Variants in B4GAT1 observed in about 807,000 individuals in gnomAD.
B4GAT1 encodes the protein N-acetyllactosaminide beta-1,3-N-acetylglucosaminyltransferase.
B4GAT1 carries 18 observed loss-of-function variants against 35.0 expected under a neutral mutation model. The ratio of observed to expected loss-of-function variants is 0.51; its 90% CI spans 0.36 to 0.76. B4GAT1 has a LOEUF of 0.76. B4GAT1 is among the 30% of genes least tolerant of loss of function. B4GAT1 has a pLI of 0.01. For missense variants in B4GAT1, 458 were observed against 555.0 expected (o/e 0.83, Z 1.76); for synonymous variants, 217 against 251.6 (o/e 0.86, Z 1.30).
Position 66,347,333 on chromosome 11 carries a change from G to T in B4GAT1, c.213C>A (p.Gly71=), listed in dbSNP as rs770834329. 107 of 1,579,202 alleles carry T rather than the reference G, an allele frequency of 6.8e-5. 1 individual carries two copies. The East Asian group carries it at 2.4e-3, about 35-fold the overall frequency. Residue 71 remains glycine, a synonymous_variant, in exon 1 of 2, where the codon GGC becomes GGA. Transcript: ENST00000311181. The surrounding 1 kb of genome is among the most constrained non-coding windows in gnomAD (Gnocchi z 6.3). The stretch of plus-strand genomic sequence containing the variant: ...GGTAATCGCCGCTAGCGTCCAGGAC[G>T]CCTCCAGAGGCCAGCGCGGTGCGGA... ...AQLRTALASG[G]VLDASGDYRV...
In B4GAT1 at chr11:66,345,856, G is replaced by A. The variant is rs141108052; in HGVS notation, c.*193C>T. The A allele has an allele frequency of 1.4e-3, 785 of 557,628 alleles. 4 individuals carry two copies. The highest frequency in any genetic ancestry group is 0.014 in the African/African-American group (724 of 53,562). 34.5% of individuals were successfully genotyped at this position (557,628 alleles called of 1,614,324 possible). On this transcript the variant is annotated 3_prime_UTR_variant, in exon 2 of 2. Transcript: ENST00000311181. ...GGTAACCGAGGCTCAGAGAGGTAAC[G>A]GGATTTACTCAAGGCCACACAGCTA... is the stretch of plus-strand genomic sequence containing the variant.
chr11:66,346,631 G>T lies in B4GAT1; in HGVS notation c.915C>A (p.Val305=). The T allele has an allele frequency of 6.2e-7, 1 of 1,613,888 alleles. No individual in the cohort carries two copies. The highest frequency in any genetic ancestry group is 1.1e-5 in the South Asian group (1 of 91,090). Residue 305 remains valine (V), a synonymous_variant, in exon 1 of 2, where the codon GTC becomes GTA. Transcript: ENST00000311181. This position sits in a 1 kb window ranked among gnomAD's most constrained non-coding sequence, Gnocchi z 6.1. ...GCAGCAAGCTCTCTTCCGGCAGGTT[G>T]ACCCAGCGGGAATAGTTGGTGGGTG... is the stretch of plus-strand genomic sequence containing the variant. ...CQAPTNYSRW[V]NLPEESLLRP...
In B4GAT1 at chr11:66,345,975, C is replaced by A; in HGVS notation, c.*74G>T. Reference sequence around the variant, plus strand: ...ACCTCTGTAAAGTGGAGCGACATTTCTTACCCCAGTCAGGCCTAAATGGTG... The same window carrying A: ...ACCTCTGTAAAGTGGAGCGACATTTATTACCCCAGTCAGGCCTAAATGGTG... On this transcript the variant is annotated 3_prime_UTR_variant, in exon 2 of 2. Coordinates refer to ENST00000311181, the MANE Select transcript of B4GAT1 (RefSeq NM_006876.3). The A allele has an allele frequency of 6.8e-7, 1 of 1,477,418 alleles. No individual in the cohort carries two copies. 91.5% of individuals were successfully genotyped at this position (1,477,418 alleles called of 1,614,324 possible). A position where few individuals can be genotyped will look rare whatever the true frequency, so the allele number is the denominator to read the frequency against.
At position 66,346,294 on chromosome 11, in the gene B4GAT1, C is replaced by G; in HGVS notation, c.1057-54G>C. ...TTTGATGACATTGACAGGCCTGAGA[C>G]TGACTTCCCTAAAGCCACAGTCCAG... On this transcript the variant is annotated intron_variant, in intron 1 of 1. Coordinates refer to ENST00000311181, the MANE Select transcript of B4GAT1 (RefSeq NM_006876.3). The surrounding 1 kb of genome is among the most constrained non-coding windows in gnomAD (Gnocchi z 6.1). The G allele has an allele frequency of 6.3e-7, 1 of 1,591,414 alleles. No homozygotes were observed. The highest frequency in any genetic ancestry group is 8.6e-7 in the Non-Finnish European group (1 of 1,165,222).
rs1240939049 is a variant in B4GAT1, at chr11:66,345,694, A to G, written c.*355T>C. The G allele has an allele frequency of 4.9e-6, 1 of 202,486 alleles. No individual in the cohort carries two copies. The highest frequency in any genetic ancestry group is 9.9e-6 in the Non-Finnish European group (1 of 100,946). The allele number at this position is 202,486 out of a possible 1,614,324, so 12.5% of individuals were successfully genotyped here. ...GATTGTTAATAATAACAATAATAAT[A>G]ACAACAATAATACTGCGATAATATT... On this transcript the variant is annotated 3_prime_UTR_variant, in exon 2 of 2. Transcript: ENST00000311181.
rs1590633262 is a variant in B4GAT1 at position 66,346,062 on chromosome 11, G to A, written c.1235C>T (p.Pro412Leu). The A allele has an allele frequency of 6.2e-7, 1 of 1,611,148 alleles. No homozygotes were observed. Among genetic ancestry groups the A allele is most frequent in the East Asian group, 2.2e-5 (1 of 44,810 alleles). ...QELKAKYPNS[P>L]RRC The stretch of plus-strand genomic sequence containing the variant: ...GGAGGGAAGGGCTCAGCAGCGTCGG[G>A]GAGAGTTGGGGTACTTGGCCTTCAA... Residue 412 changes from proline (P) to leucine (L), a missense_variant, in exon 2 of 2, where the codon CCC (proline) becomes CTC (leucine). Pro to Leu is a moderately conservative substitution (Grantham distance 98, BLOSUM62 -3). Transcript: ENST00000311181. This position sits in a 1 kb window ranked among gnomAD's most constrained non-coding sequence, Gnocchi z 6.1.
Position 66,346,770 on chromosome 11 carries a change from G to A in B4GAT1, c.776C>T (p.Ala259Val). Residue 259 changes from alanine (A) to valine (V), a missense_variant, in exon 1 of 2, where the codon GCC becomes GTC. Coordinates refer to ENST00000311181, the MANE Select transcript of B4GAT1 (RefSeq NM_006876.3). The surrounding 1 kb of genome is among the most constrained non-coding windows in gnomAD (Gnocchi z 6.1). ...GCGGCGGGCTCTTCGGATTTCGAAG[G>A]CAGGCACCACCAGCGCGGTGCCTCC... ...QWGGTALVVP[A>V]FEIRRARRMP... The A allele has an allele frequency of 6.2e-7, 1 of 1,613,764 alleles. No homozygotes were observed. The highest frequency in any genetic ancestry group is 8.5e-7 in the Non-Finnish European group (1 of 1,179,976).
chr11:66,346,434 C>A lies in B4GAT1; in HGVS notation c.1056+56G>T. On this transcript the variant is annotated intron_variant, in intron 1 of 1. Transcript: ENST00000311181. The surrounding 1 kb of genome is among the most constrained non-coding windows in gnomAD (Gnocchi z 6.1). ...CCATCCAGGGCCACTCCTCATAACT[C>A]CCTGATCCCACCACCCCTCCTGCCC... 6.4e-7 allele frequency: 1 copy of A among 1,556,552 alleles called. No individual in the cohort carries two copies.
rs1379170134 is a variant in B4GAT1, at chr11:66,346,458, C to A, written c.1056+32G>T. Reference sequence around the variant, plus strand: ...TCCCTGATCCCACCACCCCTCCTGCCCCATTACCCCTGCCCTCTCCCTTAT... The same window carrying A: ...TCCCTGATCCCACCACCCCTCCTGCACCATTACCCCTGCCCTCTCCCTTAT... On this transcript the variant is annotated intron_variant, in intron 1 of 1. Coordinates refer to ENST00000311181, the MANE Select transcript of B4GAT1 (RefSeq NM_006876.3). This position sits in a 1 kb window ranked among gnomAD's most constrained non-coding sequence, Gnocchi z 6.1. 6.4e-7 allele frequency: 1 copy of A among 1,573,706 alleles called. No individual in the cohort carries two copies. Among genetic ancestry groups the A allele is most frequent in the Non-Finnish European group, 8.6e-7 (1 of 1,156,112 alleles).
At position 66,347,575 on chromosome 11, in the gene B4GAT1, G is replaced by T. The variant is rs769918583; in HGVS notation, c.-30C>A. 41 of 1,268,722 alleles carry T rather than the reference G, an allele frequency of 3.2e-5. No individual in the cohort carries two copies. Among genetic ancestry groups the T allele is most frequent in the Non-Finnish European group, 3.8e-5 (38 of 1,006,634 alleles). The allele number at this position is 1,268,722 out of a possible 1,614,324, so 78.6% of individuals were successfully genotyped here. A position where few individuals can be genotyped will look rare whatever the true frequency, so the allele number is the denominator to read the frequency against. On this transcript the variant is annotated 5_prime_UTR_variant, in exon 1 of 2. Coordinates refer to ENST00000311181, the MANE Select transcript of B4GAT1 (RefSeq NM_006876.3). The surrounding 1 kb of genome is among the most constrained non-coding windows in gnomAD (Gnocchi z 6.3). The stretch of plus-strand genomic sequence containing the variant: ...CTCGGGGCTCGGGGCGCGCAGCAAC[G>T]ACCACCCGGCCACAGACTACGCCAG...
In B4GAT1 at chr11:66,347,039, G is replaced by T; in HGVS notation, c.507C>A (p.Asp169Glu). ...GGGCAAACTCCCCCGGCTCCCGGGG[G>T]TCGGGCACGGCTGCCTCGTAACGCG... ...CPSRYEAAVP[D>E]PREPGEFALL... Residue 169 changes from aspartate (D) to glutamate (E), a missense_variant, in exon 1 of 2, where the codon GAC (aspartate) becomes GAA (glutamate). Asp to Glu is a conservative substitution (Grantham distance 45). Coordinates refer to ENST00000311181, the MANE Select transcript of B4GAT1 (RefSeq NM_006876.3). The surrounding 1 kb of genome is among the most constrained non-coding windows in gnomAD (Gnocchi z 6.3). 1.3e-6 allele frequency: 2 copies of T among 1,589,226 alleles called. No individual in the cohort carries two copies. Among genetic ancestry groups the T allele is most frequent in the Admixed American group, 1.7e-5 (1 of 58,468 alleles).
chr11:66,346,326 C>A lies in B4GAT1; in HGVS notation c.1057-86G>T. On this transcript the variant is annotated intron_variant, in intron 1 of 1. Coordinates refer to ENST00000311181, the MANE Select transcript of B4GAT1 (RefSeq NM_006876.3). The surrounding 1 kb of genome is among the most constrained non-coding windows in gnomAD (Gnocchi z 6.1). The stretch of plus-strand genomic sequence containing the variant: ...CCCTAAAGCCACAGTCCAGCGTCCT[C>A]ACCCCTCTGGAAGTATCCTGGATCT... 1 of 1,560,302 alleles carries A rather than the reference C, an allele frequency of 6.4e-7. No homozygotes were observed. The highest frequency in any genetic ancestry group is 2.3e-5 in the East Asian group (1 of 44,284).
rs1855234158 is a variant in B4GAT1, at chr11:66,347,150, C to T, written c.396G>A (p.Ala132=). ...VSVFAATKEE[A]QLATVLAYAL... is the part of the protein sequence containing the mutation. Reference sequence around the variant, plus strand: ...CGTAGGCCAGCACCGTGGCCAGCTGCGCCTCCTCCTTGGTGGCCGCGAACA... The same window carrying T: ...CGTAGGCCAGCACCGTGGCCAGCTGTGCCTCCTCCTTGGTGGCCGCGAACA... The change falls in exon 1 of 2, where the codon GCG becomes GCA. Residue 132 remains alanine, a synonymous_variant. Coordinates refer to ENST00000311181, the MANE Select transcript of B4GAT1 (RefSeq NM_006876.3). The surrounding 1 kb of genome is among the most constrained non-coding windows in gnomAD (Gnocchi z 6.3). The T allele has an allele frequency of 6.3e-7, 1 of 1,593,192 alleles. No homozygotes were observed. The highest frequency in any genetic ancestry group is 8.5e-7 in the Non-Finnish European group (1 of 1,170,970).
At position 66,346,669 on chromosome 11, in the gene B4GAT1, T is replaced by C; in HGVS notation, c.877A>G (p.Thr293Ala). Reference sequence around the variant, plus strand: ...TAGTTGGTGGGTGCCTGGCAGGGGGTGCACAACCCATAATAGAAGGGCCGC... The same window carrying C: ...TAGTTGGTGGGTGCCTGGCAGGGGGCGCACAACCCATAATAGAAGGGCCGC... Reference protein sequence around the residue: ...EVRPFYYGLCTPCQAPTNYSR... With the variant: ...EVRPFYYGLCAPCQAPTNYSR... Residue 293 changes from threonine (T) to alanine (A), a missense_variant, in exon 1 of 2, where the codon ACC becomes GCC. By Grantham distance (58) the Thr-to-Ala change is moderately conservative. Coordinates refer to ENST00000311181, the MANE Select transcript of B4GAT1 (RefSeq NM_006876.3). This position sits in a 1 kb window ranked among gnomAD's most constrained non-coding sequence, Gnocchi z 6.1. 2 of 1,613,450 alleles carry C rather than the reference T, an allele frequency of 1.2e-6. No individual in the cohort carries two copies. Among genetic ancestry groups the C allele is most frequent in the Non-Finnish European group, 1.7e-6 (2 of 1,179,954 alleles).
At position 66,346,651 on chromosome 11, in the gene B4GAT1, T is replaced by C. The variant is rs372380407; in HGVS notation, c.895A>G (p.Thr299Ala). ...YGLCTPCQAP[T>A]NYSRWVNLPE... ...AGGTTGACCCAGCGGGAATAGTTGG[T>C]GGGTGCCTGGCAGGGGGTGCACAAC... The change falls in exon 1 of 2, where the codon ACC (threonine) becomes GCC (alanine). Residue 299 changes from threonine to alanine, a missense_variant. Transcript: ENST00000311181. This position sits in a 1 kb window ranked among gnomAD's most constrained non-coding sequence, Gnocchi z 6.1. The C allele has an allele frequency of 1.9e-5, 31 of 1,613,846 alleles. No individual in the cohort carries two copies. In the African/African-American group the frequency reaches 3.9e-4, roughly 20 times the overall value.
rs754630491 is a variant in B4GAT1 at position 66,347,054 on chromosome 11, C to G, written c.492G>C (p.Glu164Asp). The part of the protein sequence containing the change: ...AMHLVCPSRY[E>D]AAVPDPREPG... ...GCTCCCGGGGGTCGGGCACGGCTGCCTCGTAACGCGAGGGGCACACGAGGT... is the reference window on the plus strand; with the variant it reads ...GCTCCCGGGGGTCGGGCACGGCTGCGTCGTAACGCGAGGGGCACACGAGGT... The change falls in exon 1 of 2, where the codon GAG becomes GAC. Residue 164 changes from glutamate (E) to aspartate (D), a missense_variant. Coordinates refer to ENST00000311181, the MANE Select transcript of B4GAT1 (RefSeq NM_006876.3). The surrounding 1 kb of genome is among the most constrained non-coding windows in gnomAD (Gnocchi z 6.3). 3 of 1,586,996 alleles carry G rather than the reference C, an allele frequency of 1.9e-6. No homozygotes were observed. The highest frequency in any genetic ancestry group is 1.7e-4 in the Middle Eastern group (1 of 5,966).
rs1299773681 is a variant in B4GAT1, at chr11:66,346,968, G to A, written c.578C>T (p.Ala193Val). The change falls in exon 1 of 2, where the codon GCC becomes GTC. Residue 193 changes from alanine to valine, a missense_variant. By Grantham distance (64) the Ala-to-Val change is moderately conservative. Transcript: ENST00000311181. This position sits in a 1 kb window ranked among gnomAD's most constrained non-coding sequence, Gnocchi z 6.1. ...QEVFDKLARV[A>V]QPGINYALGT... ...CAGCGCATAATTAATCCCGGGCTGG[G>A]CCACCCTGGCTAGCTTGTCAAAGAC... 5 of 1,611,014 alleles carry A rather than the reference G, an allele frequency of 3.1e-6. No individual in the cohort carries two copies. The Admixed American group carries it at 5.0e-5, about 16-fold the overall frequency.
chr11:66,345,989 G>C lies in B4GAT1; in HGVS notation c.*60C>G, dbSNP rs1855204611. On this transcript the variant is annotated 3_prime_UTR_variant, in exon 2 of 2. Coordinates refer to ENST00000311181, the MANE Select transcript of B4GAT1 (RefSeq NM_006876.3). ...GAGCGACATTTCTTACCCCAGTCAG[G>C]CCTAAATGGTGGCCTGAGGAGCCAA... 6.5e-7 allele frequency: 1 copy of C among 1,541,232 alleles called. No individual in the cohort carries two copies. The highest frequency in any genetic ancestry group is 1.8e-5 in the Admixed American group (1 of 56,040).
At position 66,346,175 on chromosome 11, in the gene B4GAT1, C is replaced by G; in HGVS notation, c.1122G>C (p.Lys374Asn). The change falls in exon 2 of 2, where the codon AAG (lysine) becomes AAC (asparagine). Residue 374 changes from lysine to asparagine, a missense_variant. Lys to Asn is a moderately conservative substitution (Grantham distance 94). Transcript: ENST00000311181. The surrounding 1 kb of genome is among the most constrained non-coding windows in gnomAD (Gnocchi z 6.1). ...EVLNEGFLVH[K>N]GFKEALKFHP... ...GGAACTTCAACGCTTCTTTGAAGCC[C>G]TTATGAACCAAGAAACCTTCGTTCA... 1.2e-6 allele frequency: 2 copies of G among 1,614,038 alleles called. No homozygotes were observed. Among genetic ancestry groups the G allele is most frequent in the Non-Finnish European group, 1.7e-6 (2 of 1,180,004 alleles).
Sources: allele counts gnomAD v4.1 joint callset, GRCh38; gene constraint gnomAD v4.1.1; non-coding constraint Gnocchi (gnomAD v3.1); transcripts MANE v1.5; gene names NCBI Gene and HGNC (gene_info 2026-07-23, HGNC 2026-07-21).